Variants in PWWP3A observed in about 807,000 individuals in gnomAD.
The protein encoded by PWWP3A is PWWP domain containing 3A, DNA repair factor, also known as PWWP domain-containing DNA repair factor 3A.
Under a neutral mutation model 79.0 loss-of-function variants are expected in PWWP3A, and 53 were observed. The observed-to-expected ratio is 0.67, with a 90% CI of 0.54 to 0.84. The LOEUF (loss-of-function observed/expected upper bound fraction) is 0.84, where lower values mean the gene tolerates loss of function less well. PWWP3A is among the 40% of genes least tolerant of loss of function. The pLI is 0.00. For missense variants in PWWP3A, 973 were observed against 948.0 expected, an observed-to-expected ratio of 1.03 and a Z score of -0.35; for synonymous variants, 443 against 394.4, an observed-to-expected ratio of 1.12 and a Z score of -1.46.
intron 12 of PWWP3A, 23 bp from the exon 13 acceptor site, chr19:1,373,049 T>C (rs2082295368): frequency 6.2e-7 from 1 of 1,611,604 alleles, no homozygotes; most frequent in Non-Finnish European, 8.5e-7. Context: ...CCTGCTGCTA[T>C]TGAGCCCCGT....
chr19:1,367,795 C>T (rs8110724), intron 9 of PWWP3A, among the ~76,000 whole-genome samples: 4,642 of 152,292 alleles, frequency 0.03, 217 homozygotes, highest in African/African-American at 0.11. Context: ...TGTCTATTTC[C>T]CCTCTGGAAA....
At chr19:1,361,620 C>T (rs554352088) in intron 5 of PWWP3A, among the ~76,000 whole-genome samples, 13 of 152,316 alleles carry the variant, frequency 8.5e-5, no homozygotes, top group African/African-American at 2.9e-4. Context: ...TACAAACTTA[C>T]CGCGCAGATA....
chr19:1,361,085 C>CGCAGCCAGACTGGGAGCCAG, intron 5 of PWWP3A, 53 bp downstream of exon 5: 3 of 1,358,844 alleles, frequency 2.2e-6, no homozygotes, highest in Non-Finnish European at 2.8e-6. Flanking sequence ...CCTGCTCCTC[C>CGCAGCCAGACTGGGAGCCAG]GCAGCCAGAC....
At position 1,368,017 on chromosome 19, in the gene PWWP3A, T is replaced by C. The variant is rs567302678; in HGVS notation, c.1422+797T>C. Among the ~76,000 whole-genome samples, 4 of 152,288 alleles carry C rather than the reference T, an allele frequency of 2.6e-5. No individual in the cohort carries two copies. The South Asian group carries it at 8.3e-4, about 32-fold the overall frequency. On this transcript the variant is annotated intron_variant, in intron 9 of 13. Transcript: ENST00000591337. This position sits in a 1 kb window ranked among gnomAD's most constrained non-coding sequence, Gnocchi z 4.7. ...TCAGCTCACTGCAACCTCCACCTCC[T>C]GGGTTCATGCGATTCTGCTGCCTCA...
At chr19:1,356,638 G>T (rs1215659868) in intron 2 of PWWP3A, among the ~76,000 whole-genome samples, 189 bp downstream of exon 2, 4 of 142,742 alleles carry the variant, frequency 2.8e-5, no homozygotes, top group Non-Finnish European at 4.6e-5. Context: ...TTCCAGAAAT[G>T]TCTTTTTTTT....
At position 1,368,816 on chromosome 19, in the gene PWWP3A, C is replaced by T. The variant is rs1430403087; in HGVS notation, c.1423-449C>T. ...GTGGCCACAGGGGAGGTGTTTGCAC[C>T]GTCGATGCGTTCAGACCAGCCCAAG... On this transcript the variant is annotated intron_variant, in intron 9 of 13. Coordinates refer to ENST00000591337, the MANE Select transcript of PWWP3A (RefSeq NM_001369789.1). The surrounding 1 kb of genome is among the most constrained non-coding windows in gnomAD (Gnocchi z 4.7). Among the ~76,000 whole-genome samples the T allele has an allele frequency of 6.6e-6, 1 of 152,314 alleles. No homozygotes were observed. The highest frequency in any genetic ancestry group is 2.4e-5 in the African/African-American group (1 of 41,572).
chr19:1,365,922 G>A (rs971539286), intron 7 of PWWP3A, among the ~76,000 whole-genome samples: 1 of 152,208 alleles, frequency 6.6e-6, no homozygotes, highest in Non-Finnish European at 1.5e-5. Flanking sequence ...GCCCCTCCCC[G>A]TGTGGCCTGG....
At chr19:1,364,697 T>C in intron 7 of PWWP3A, 118 bp downstream of exon 7, 1 of 919,266 alleles carries the variant, frequency 1.1e-6, no homozygotes, top group Admixed American at 3.4e-5. Flanking sequence ...TTGTTTTGTT[T>C]TTCCTGGGAA....
intron 13 of PWWP3A, among the ~76,000 whole-genome samples, chr19:1,375,566 A>AATAATATAATTTTATACATTGT (rs1568965688): frequency 1.2e-5 from 1 of 81,324 alleles, no homozygotes; most frequent in Non-Finnish European, 2.2e-5. Context: ...TTATATATAA[A>AATAATATAATTTTATACATTGT]ATATATTATA....
At chr19:1,371,467 T>C (rs1278849722) in intron 12 of PWWP3A, 1 of 691,510 alleles carries the variant, frequency 1.4e-6, no homozygotes, top group Non-Finnish European at 2.7e-6. Flanking sequence ...AAACCCACTG[T>C]AAGTTGAAAA....
At chr19:1,374,736 A>ACTCTT (rs2082329867) in intron 13 of PWWP3A, among the ~76,000 whole-genome samples, 1 of 151,852 alleles carries the variant, frequency 6.6e-6, no homozygotes, top group Non-Finnish European at 1.5e-5. Context: ...GGCATCTCAT[A>ACTCTT]CTCTTTCGTA....
chr19:1,362,325 A>G lies in PWWP3A; in HGVS notation c.1187A>G (p.Glu396Gly). ...CTGGAGGAAGACGAGGAAGACGAGG[A>G]GCCACCAAGAGTCCTTTTATACCAC... The part of the protein sequence containing the change: ...SILEEDEEDE[E>G]PPRVLLYHEP... The change falls in exon 6 of 14, where the codon GAG becomes GGG. Residue 396 changes from glutamate to glycine, a missense_variant. By Grantham distance (98) the Glu-to-Gly change is moderately conservative. Transcript: ENST00000591337. 1 of 1,614,068 alleles carries G rather than the reference A, an allele frequency of 6.2e-7. No homozygotes were observed. Among genetic ancestry groups the G allele is most frequent in the South Asian group, 1.1e-5 (1 of 91,074 alleles).
At position 1,375,692 on chromosome 19, in the gene PWWP3A, A is replaced by AATTATAT. The variant is rs2074151574; in HGVS notation, c.2076-826_2076-825insTTATATA. Among the ~76,000 whole-genome samples the AATTATAT allele has an allele frequency of 2.2e-5, 3 of 135,900 alleles. No homozygotes were observed. The Admixed American group carries it at 2.3e-4, about 10-fold the overall frequency. 89.2% of individuals were successfully genotyped at this position (135,900 alleles called of 152,430 possible). On this transcript the variant is annotated intron_variant, in intron 13 of 13. Coordinates refer to ENST00000591337, the MANE Select transcript of PWWP3A (RefSeq NM_001369789.1). Reference sequence around the variant, plus strand: ...AAAATGTACAATTTTATAATATATAAAACAATTTAATATATAATATATATA... The same window carrying AATTATAT: ...AAAATGTACAATTTTATAATATATAAATTATATAACAATTTAATATATAATATATATA...
chr19:1,365,798 C>T (rs1454106414), intron 7 of PWWP3A, among the ~76,000 whole-genome samples: 7 of 152,376 alleles, frequency 4.6e-5, no homozygotes, highest in Admixed American at 3.3e-4. Context: ...GAGCGCAGGG[C>T]GGAAGGGCCA....
Position 1,362,268 on chromosome 19 carries a change from A to C in PWWP3A, c.1130A>C (p.Glu377Ala). Residue 377 changes from glutamate to alanine, a missense_variant, in exon 6 of 14, where the codon GAG (glutamate) becomes GCG (alanine). Coordinates refer to ENST00000591337, the MANE Select transcript of PWWP3A (RefSeq NM_001369789.1). ...TTGGCAGAGTGCCAGTCTTCCGAAG[A>C]GTCCATGGGGTCTAATTCCATGCGT... Reference protein sequence around the residue: ...KLEKECQSSEESMGSNSMRSI... With the variant: ...KLEKECQSSEASMGSNSMRSI... 1 of 1,612,884 alleles carries C rather than the reference A, an allele frequency of 6.2e-7. No homozygotes were observed. Among genetic ancestry groups the C allele is most frequent in the African/African-American group, 1.3e-5 (1 of 74,954 alleles).
chr19:1,360,352 T>TCCAGACCTCACA lies in PWWP3A; in HGVS notation c.431_432insCCAGACCTCACA (p.Leu144delinsPheGlnThrSerGln). 6.2e-7 allele frequency: 1 copy of TCCAGACCTCACA among 1,614,132 alleles called. No individual in the cohort carries two copies. The highest frequency in any genetic ancestry group is 8.5e-7 in the Non-Finnish European group (1 of 1,180,020). ...TCATCTCTTCCCCGCGGAGACGTGT[T>TCCAGACCTCACA]GGGCAGTTCCAGACCTCACAGGAGG... On this transcript the variant is annotated protein_altering_variant, in exon 5 of 14. Transcript: ENST00000591337. The surrounding 1 kb of genome is among the most constrained non-coding windows in gnomAD (Gnocchi z 4.4).
rs2082406052 is a variant in PWWP3A, at chr19:1,376,535, G to T, written c.2092G>T (p.Asp698Tyr). ...TTTCTGAAGGGAAAAAGAAATATTT[G>T]ACAACCAGCTCCTTGAAGAGCGGAA... ...SLSYREKEIFDNQLLEERNRR... is the reference protein window; with the variant it reads ...SLSYREKEIFYNQLLEERNRR... The change falls in exon 14 of 14, where the codon GAC (aspartate) becomes TAC (tyrosine). Residue 698 changes from aspartate to tyrosine, a missense_variant. Physicochemically the swap from Asp to Tyr is radical, Grantham distance 160. Coordinates refer to ENST00000591337, the MANE Select transcript of PWWP3A (RefSeq NM_001369789.1). The T allele has an allele frequency of 6.2e-7, 1 of 1,613,358 alleles. No homozygotes were observed. Among genetic ancestry groups the T allele is most frequent in the South Asian group, 1.1e-5 (1 of 91,026 alleles).
chr19:1,361,692 G>T (rs1259084100), intron 5 of PWWP3A, among the ~76,000 whole-genome samples: 2 of 152,212 alleles, frequency 1.3e-5, no homozygotes, highest in Non-Finnish European at 2.9e-5. Context: ...GTTGGAAGCG[G>T]CAGGGAACTG....
At position 1,376,786 on chromosome 19, in the gene PWWP3A, C is replaced by T. The variant is rs2082412712; in HGVS notation, c.*210C>T. On this transcript the variant is annotated 3_prime_UTR_variant, in exon 14 of 14. Coordinates refer to ENST00000591337, the MANE Select transcript of PWWP3A (RefSeq NM_001369789.1). ...GTTCTCTTTTCCTGGCAGTTTTTTT[C>T]ATTTTATTTTTGGCATTTTTTACAA... 1 of 488,450 alleles carries T rather than the reference C, an allele frequency of 2.0e-6. No individual in the cohort carries two copies. The highest frequency in any genetic ancestry group is 3.3e-5 in the South Asian group (1 of 30,620). 30.3% of individuals were successfully genotyped at this position (488,450 alleles called of 1,614,324 possible). A position where few individuals can be genotyped will look rare whatever the true frequency, so the allele number is the denominator to read the frequency against.
Sources: gnomAD v4.1 joint callset for allele counts (sites outside exome capture counted in the v4.1 genomes callset) on GRCh38, gnomAD v4.1.1 for gene constraint, Gnocchi (gnomAD v3.1) non-coding constraint, MANE v1.5 for transcripts, NCBI Gene and HGNC (gene_info 2026-07-23, HGNC 2026-07-21) for gene names.